SUDS3: variants seen among roughly 807,000 people sequenced by gnomAD.
SUDS3 encodes SIN3A corepressor complex component SDS3.
SUDS3 carries 23 observed loss-of-function variants against 53.5 expected under a neutral mutation model. That is an observed-to-expected ratio of 0.43 (90% CI 0.31 to 0.61). The LOEUF (loss-of-function observed/expected upper bound fraction) is 0.61, where lower values mean the gene tolerates loss of function less well. Among genes scored for constraint, SUDS3 ranks in the 20% least tolerant of loss-of-function variants. The probability of loss-of-function intolerance (pLI) is 0.10; values close to 1 mark genes in which losing one functional copy is unlikely to be tolerated. For synonymous variants in SUDS3, 150 were observed against 148.5 expected (o/e 1.01, Z -0.08); for missense variants, 291 against 405.9 (o/e 0.72, Z 2.43).
intron 6 of SUDS3, among the ~76,000 whole-genome samples, chr12:118,399,782 AG>A (rs980595234): frequency 5.9e-5 from 9 of 151,994 alleles, no homozygotes; most frequent in Non-Finnish European, 2.9e-5. Context: ...CAGGAAAAGA[AG>A]CAACCTTGGG....
intron 4 of SUDS3, among the ~76,000 whole-genome samples, chr12:118,387,827 G>T (rs2046129056): frequency 6.6e-6 from 1 of 152,104 alleles, no homozygotes; most frequent in Non-Finnish European, 1.5e-5. Flanking sequence ...AAGTGCTGGG[G>T]TTACAGGTGT....
At chr12:118,406,881 G>A (rs539609164) in intron 10 of SUDS3, among the ~76,000 whole-genome samples, 56 of 119,624 alleles carry the variant, frequency 4.7e-4, no homozygotes, top group Admixed American at 4.5e-3. Flanking sequence ...AACCGCCCCC[G>A]CCCCCCCATA....
chr12:118,376,866 C>T (rs1218629109), intron 1 of SUDS3, 33 bp downstream of exon 1: 2 of 1,057,206 alleles, frequency 1.9e-6, no homozygotes, highest in African/African-American at 3.9e-5. Context: ...CCGCCCGGAG[C>T]GGAGGTGGGA....
chr12:118,380,271 TGAC>T, intron 2 of SUDS3, 40 bp downstream of exon 2: 1 of 1,523,628 alleles, frequency 6.6e-7, no homozygotes, highest in Admixed American at 1.9e-5. Context: ...AACATAGAAT[TGAC>T]AACATCTTTA....
In SUDS3 at chr12:118,386,175, AC is replaced by A. The variant is rs2046112789; in HGVS notation, c.331del (p.Arg111GlyfsTer26). 1 of 1,599,606 alleles carries A rather than the reference AC, an allele frequency of 6.3e-7. No individual in the cohort carries two copies. Among genetic ancestry groups the A allele is most frequent in the African/African-American group, 1.3e-5 (1 of 74,638 alleles). Reference sequence around the variant, plus strand: ...TAGATCAGCAGTACAAAGAGAGGATACGGAATGCAGGTAAGGCTCCTTTAAA... The same window carrying A: ...TAGATCAGCAGTACAAAGAGAGGATAGGAATGCAGGTAAGGCTCCTTTAAA... ...KLDQQYKERIRNAELFLQLET... is the reference protein window; with the variant it reads ...KLDQQYKERIXNAELFLQLET... On this transcript the variant is annotated frameshift_variant, in exon 4 of 12. Transcript: ENST00000543473. LOFTEE classifies it high-confidence loss of function.
chr12:118,384,141 C>A, intron 3 of SUDS3, 74 bp downstream of exon 3: 1 of 1,456,988 alleles, frequency 6.9e-7, no homozygotes, highest in South Asian at 1.2e-5. Context: ...CTGTGTATTT[C>A]ACTTCTCTGT....
At position 118,400,663 on chromosome 12, in the gene SUDS3, T is replaced by A. The variant is rs746728903; in HGVS notation, c.522T>A (p.Ser174=). 4.3e-6 allele frequency: 7 copies of A among 1,613,926 alleles called. No individual in the cohort carries two copies. The highest frequency in any genetic ancestry group is 1.7e-5 in the Admixed American group (1 of 60,016). ...CCCATTCCATTCTTGCCACAGATTC[T>A]ATGGAGGTGAAACCTATCATGACCA... ...EKLTMELTGD[S]MEVKPIMTRK... is the part of the protein sequence containing the mutation. Residue 174 remains serine, a synonymous_variant, in exon 7 of 12, where the codon TCT becomes TCA. Transcript: ENST00000543473.
chr12:118,411,110 G>A lies in SUDS3; in HGVS notation c.841G>A (p.Asp281Asn), dbSNP rs779069152. 1 of 1,605,734 alleles carries A rather than the reference G, an allele frequency of 6.2e-7. No individual in the cohort carries two copies. ...KSQAIYLESK[D>N]NQKLSCVISS... ...CCAGGCCATCTATCTGGAGTCAAAG[G>A]ACAACCAGAAACTGAGCTGCGTGAT... The change falls in exon 11 of 12, where the codon GAC becomes AAC. Residue 281 changes from aspartate to asparagine, a missense_variant. Around this residue, in one of 4 missense-constraint regions of SUDS3, gnomAD observed 77 missense variants for 87.1 expected, o/e 0.88. Transcript: ENST00000543473.
intron 6 of SUDS3, among the ~76,000 whole-genome samples, chr12:118,393,780 C>T (rs1033904649): frequency 1.3e-5 from 2 of 152,012 alleles, no homozygotes; most frequent in African/African-American, 2.4e-5. Flanking sequence ...AAGTGATTCT[C>T]CTGCCTCAGC....
At chr12:118,409,731 G>A (rs1367845792) in intron 10 of SUDS3, among the ~76,000 whole-genome samples, 1 of 152,254 alleles carries the variant, frequency 6.6e-6, no homozygotes, top group Non-Finnish European at 1.5e-5. Flanking sequence ...ATGAACCAAA[G>A]TTTATGTTAT....
chr12:118,384,865 T>C (rs1454868147), intron 3 of SUDS3, among the ~76,000 whole-genome samples: 1 of 152,100 alleles, frequency 6.6e-6, no homozygotes, highest in African/African-American at 2.4e-5. Flanking sequence ...CTCTGGAGTT[T>C]TGTGAGGGAT....
chr12:118,386,322 A>C (rs2046114684), intron 4 of SUDS3, 137 bp downstream of exon 4: 2 of 718,654 alleles, frequency 2.8e-6, no homozygotes, highest in African/African-American at 1.8e-5. Flanking sequence ...CAGAAAAGAG[A>C]CTTCCAAGCT....
chr12:118,410,763 C>CT (rs1469837165), intron 10 of SUDS3, among the ~76,000 whole-genome samples: 1 of 151,614 alleles, frequency 6.6e-6, no homozygotes, highest in Admixed American at 6.6e-5. Flanking sequence ...TGCCCGGCTA[C>CT]TTTTTTTGTA....
chr12:118,376,923 C>G lies in SUDS3; in HGVS notation c.142+90C>G, dbSNP rs983456524. On this transcript the variant is annotated intron_variant, in intron 1 of 11. Coordinates refer to ENST00000543473, the MANE Select transcript of SUDS3 (RefSeq NM_022491.3). ...CTGTTCGGGAGAGGGGCGGGGCGGC[C>G]TCCGGGGCCTGGGGCTGCGTGGAGG... 6.0e-6 allele frequency: 8 copies of G among 1,342,374 alleles called. No individual in the cohort carries two copies. The Admixed American group carries it at 1.8e-4, about 30-fold the overall frequency. The allele number at this position is 1,342,374 out of a possible 1,614,324, so 83.2% of individuals were successfully genotyped here.
intron 6 of SUDS3, among the ~76,000 whole-genome samples, chr12:118,395,940 A>G (rs2046211124): frequency 6.6e-6 from 1 of 152,022 alleles, no homozygotes; most frequent in Admixed American, 6.5e-5. Flanking sequence ...TGATCTGCCC[A>G]AAGTGCTGGG....
intron 6 of SUDS3, 115 bp from the exon 7 acceptor site, chr12:118,400,544 C>A: frequency 1.1e-6 from 1 of 922,254 alleles, no homozygotes; most frequent in Non-Finnish European, 1.7e-6. Context: ...AACAAACACC[C>A]CCAGTAAAAC....
At chr12:118,379,514 G>A (rs2046034212) in intron 1 of SUDS3, among the ~76,000 whole-genome samples, 1 of 152,200 alleles carries the variant, frequency 6.6e-6, no homozygotes, top group Non-Finnish European at 1.5e-5. Flanking sequence ...GACTTGAGCA[G>A]CTGAGGATTT....
rs1291594249 is a variant in SUDS3 at position 118,417,730 on chromosome 12, G to A, written c.*3297G>A. 2 of 151,130 alleles carry A rather than the reference G, an allele frequency of 1.3e-5. No individual in the cohort carries two copies. Among genetic ancestry groups the A allele is most frequent in the African/African-American group, 2.4e-5 (1 of 41,018 alleles). 9.4% of individuals were successfully genotyped at this position (151,130 alleles called of 1,614,324 possible). A position where few individuals can be genotyped will look rare whatever the true frequency, so the allele number is the denominator to read the frequency against. On this transcript the variant is annotated 3_prime_UTR_variant, in exon 12 of 12. Transcript: ENST00000543473. ...AAACTTTCAAAGAGAAAACCAGCAT[G>A]AAGTCTGTATTGTATCCATTGACTT...
At chr12:118,401,693 C>A in intron 7 of SUDS3, 66 bp from the exon 8 acceptor site, 1 of 1,254,302 alleles carries the variant, frequency 8.0e-7, no homozygotes, top group South Asian at 1.2e-5. Context: ...ATACTGGTAC[C>A]ATTGTGTTGA....
Sources: allele counts gnomAD v4.1 joint callset (sites outside exome capture counted in the v4.1 genomes callset), GRCh38; gene constraint gnomAD v4.1.1; regional missense constraint gnomAD v4.1.1; transcripts MANE v1.5; gene names NCBI Gene and HGNC (gene_info 2026-07-23, HGNC 2026-07-21).